The following PVR variants were observed in gnomAD, a reference collection of about 807,000 sequenced individuals.
PVR encodes poliovirus receptor.
PVR carries 39 observed loss-of-function variants against 43.3 expected under a neutral mutation model. That is an observed-to-expected ratio of 0.90 (90% CI 0.70 to 1.18). The LOEUF is 1.18. PVR is among the 50% of genes most tolerant of loss of function. The probability of loss-of-function intolerance (pLI) is 0.00; values close to 1 mark genes in which losing one functional copy is unlikely to be tolerated. For missense variants in PVR, 480 were observed against 549.7 expected (o/e 0.87, Z 1.27); for synonymous variants, 224 against 233.2 (o/e 0.96, Z 0.36).
intron 1 of PVR, among the ~76,000 whole-genome samples, chr19:44,646,770 C>CA (rs1042533568): frequency 3.3e-3 from 477 of 142,756 alleles, no homozygotes; most frequent in African/African-American, 7.1e-3. Context: ...GACTCCGTCT[C>CA]AAAAAAAAAA....
At position 44,661,986 on chromosome 19, in the gene PVR, CCTT is replaced by C; in HGVS notation, c.*176_*178del. 1 of 604,238 alleles carries C rather than the reference CCTT, an allele frequency of 1.7e-6. No homozygotes were observed. Among genetic ancestry groups the C allele is most frequent in the Non-Finnish European group, 2.9e-6 (1 of 340,188 alleles). 37.4% of individuals were successfully genotyped at this position (604,238 alleles called of 1,614,324 possible). A position where few individuals can be genotyped will look rare whatever the true frequency, so the allele number is the denominator to read the frequency against. On this transcript the variant is annotated 3_prime_UTR_variant, in exon 8 of 8. Transcript: ENST00000425690. ...GTTCATAGGTCTCCAAGACCACCCT[CCTT>C]TCATTTGCTAGAAGGACTCACTAGA...
At chr19:44,645,415 G>GTATATATATATACATA (rs1555762226) in intron 1 of PVR, among the ~76,000 whole-genome samples, 2 of 83,822 alleles carry the variant, frequency 2.4e-5, no homozygotes, top group African/African-American at 1.1e-4. Context: ...TATGTTTTGT[G>GTATATATATATACATA]TATATATATA....
In PVR at chr19:44,647,281, G is replaced by T. The variant is rs768270129; in HGVS notation, c.138G>T (p.Thr46=). ...QVPGFLGDSV[T]LPCYLQVPNM... ...CCGGCTTCTTGGGCGACTCCGTGACGCTGCCCTGCTACCTACAGGTGCCCA... is the reference window on the plus strand; with the variant it reads ...CCGGCTTCTTGGGCGACTCCGTGACTCTGCCCTGCTACCTACAGGTGCCCA... The change falls in exon 2 of 8, where the codon ACG becomes ACT. Residue 46 remains threonine (T), a synonymous_variant. Coordinates refer to ENST00000425690, the MANE Select transcript of PVR (RefSeq NM_006505.5). 2 of 1,574,764 alleles carry T rather than the reference G, an allele frequency of 1.3e-6. No homozygotes were observed.
chr19:44,660,930 G>A (rs1973575187), intron 6 of PVR, among the ~76,000 whole-genome samples: 1 of 152,174 alleles, frequency 6.6e-6, no homozygotes, highest in Non-Finnish European at 1.5e-5. Flanking sequence ...ACTACTATTT[G>A]CTAAATAAAC....
At chr19:44,658,601 G>T in intron 5 of PVR, 141 bp from the exon 6 acceptor site, 1 of 706,228 alleles carries the variant, frequency 1.4e-6, no homozygotes. Context: ...GGCACCAGAG[G>T]GTGGGATCCA....
chr19:44,650,073 C>G lies in PVR; in HGVS notation c.692C>G (p.Pro231Arg), dbSNP rs1205714055. 1 of 1,545,440 alleles carries G rather than the reference C, an allele frequency of 6.5e-7. No homozygotes were observed. Among genetic ancestry groups the G allele is most frequent in the East Asian group, 2.3e-5 (1 of 44,246 alleles). ...GTGGAGCACGAGAGCTTTGAGAAGC[C>G]TCAGCTGCTGACTGTGAACCTCACC... ...CKVEHESFEK[P>R]QLLTVNLTVY... The change falls in exon 3 of 8, where the codon CCT becomes CGT. Residue 231 changes from proline (P) to arginine (R), a missense_variant. By Grantham distance (103) the Pro-to-Arg change is moderately radical. Transcript: ENST00000425690.
chr19:44,652,744 G>T (rs1973317617), intron 3 of PVR, among the ~76,000 whole-genome samples: 2 of 152,024 alleles, frequency 1.3e-5, no homozygotes, highest in South Asian at 4.1e-4. Context: ...CAAACTCCTG[G>T]GCTCAAGTGA....
intron 2 of PVR, 152 bp downstream of exon 2, chr19:44,647,722 G>T (rs1195151503): frequency 3.9e-6 from 2 of 508,488 alleles, no homozygotes; most frequent in African/African-American, 4.1e-5. Context: ...GCGCAATGAT[G>T]TGGGGTGGGG....
rs751303567 is a variant in PVR at position 44,665,847 on chromosome 19, G to A, written c.*4036G>A. The A allele has an allele frequency of 3.3e-5, 5 of 152,214 alleles. No individual in the cohort carries two copies. Among genetic ancestry groups the A allele is most frequent in the African/African-American group, 4.8e-5 (2 of 41,408 alleles). 9.4% of individuals were successfully genotyped at this position (152,214 alleles called of 1,614,324 possible). ...TCCCTACCTGGGTGAGCCTTTGTAGGAACGAGAAACCGCATCCAGCAGCAG... is the reference window on the plus strand; with the variant it reads ...TCCCTACCTGGGTGAGCCTTTGTAGAAACGAGAAACCGCATCCAGCAGCAG... On this transcript the variant is annotated 3_prime_UTR_variant, in exon 8 of 8. Coordinates refer to ENST00000425690, the MANE Select transcript of PVR (RefSeq NM_006505.5).
rs1973687857 is a variant in PVR, at chr19:44,665,402, T to TGCAGGG, written c.*3591_*3592insGCAGGG. ...TGGCTCACGCCTGTAATCCCAGCAC[T>TGCAGGG]TTGGGAGGCTGCAGCGGGTGGATCA... is the stretch of plus-strand genomic sequence containing the variant. On this transcript the variant is annotated 3_prime_UTR_variant, in exon 8 of 8. Coordinates refer to ENST00000425690, the MANE Select transcript of PVR (RefSeq NM_006505.5). 1 of 151,992 alleles carries TGCAGGG rather than the reference T, an allele frequency of 6.6e-6. No individual in the cohort carries two copies. Among genetic ancestry groups the TGCAGGG allele is most frequent in the Non-Finnish European group, 1.5e-5 (1 of 68,026 alleles). The allele number at this position is 151,992 out of a possible 1,614,324, so 9.4% of individuals were successfully genotyped here.
rs546802578 is a variant in PVR at position 44,664,377 on chromosome 19, T to C, written c.*2566T>C. 1 of 152,122 alleles carries C rather than the reference T, an allele frequency of 6.6e-6. No homozygotes were observed. The highest frequency in any genetic ancestry group is 2.1e-4 in the South Asian group (1 of 4,810). 9.4% of individuals were successfully genotyped at this position (152,122 alleles called of 1,614,324 possible). On this transcript the variant is annotated 3_prime_UTR_variant, in exon 8 of 8. Transcript: ENST00000425690. ...GTGGGCGCCACCCCACCTGGCTAAATCTCTTTTTAACTTTTGTAGAGATAG... is the reference window on the plus strand; with the variant it reads ...GTGGGCGCCACCCCACCTGGCTAAACCTCTTTTTAACTTTTGTAGAGATAG...
Position 44,647,637 on chromosome 19 carries a change from G to A in PVR, c.427+67G>A, listed in dbSNP as rs1973166367. 28 of 1,342,138 alleles carry A rather than the reference G, an allele frequency of 2.1e-5. 1 individual carries two copies. In the South Asian group the frequency reaches 3.6e-4, roughly 17 times the overall value. The allele number at this position is 1,342,138 out of a possible 1,614,324, so 83.1% of individuals were successfully genotyped here. A position where few individuals can be genotyped will look rare whatever the true frequency, so the allele number is the denominator to read the frequency against. Reference sequence around the variant, plus strand: ...CTTGGTGGGAGGATCAGGGAAGTTGGCAAAGAGCGGGGAGGCCTGGGAGGG... The same window carrying A: ...CTTGGTGGGAGGATCAGGGAAGTTGACAAAGAGCGGGGAGGCCTGGGAGGG... On this transcript the variant is annotated intron_variant, in intron 2 of 7. Coordinates refer to ENST00000425690, the MANE Select transcript of PVR (RefSeq NM_006505.5).
rs1296689647 is a variant in PVR, at chr19:44,647,386, G to A, written c.243G>A (p.Thr81=). 5.0e-6 allele frequency: 8 copies of A among 1,613,798 alleles called. No individual in the cohort carries two copies. The highest frequency in any genetic ancestry group is 2.2e-5 in the South Asian group (2 of 91,050). Residue 81 remains threonine, a synonymous_variant, in exon 2 of 8, where the codon ACG becomes ACA. Coordinates refer to ENST00000425690, the MANE Select transcript of PVR (RefSeq NM_006505.5). ...ESGSMAVFHQ[T]QGPSYSESKR... Reference sequence around the variant, plus strand: ...GCAGCATGGCCGTCTTCCACCAAACGCAGGGCCCCAGCTATTCGGAGTCCA... The same window carrying A: ...GCAGCATGGCCGTCTTCCACCAAACACAGGGCCCCAGCTATTCGGAGTCCA...
At chr19:44,657,353 C>A (rs928829009) in intron 4 of PVR, among the ~76,000 whole-genome samples, 1 of 152,124 alleles carries the variant, frequency 6.6e-6, no homozygotes, top group Non-Finnish European at 1.5e-5. Flanking sequence ...TAACTCTGAG[C>A]CAGGCTAGGC....
At chr19:44,647,082 CT>C in intron 1 of PVR, 140 bp from the exon 2 acceptor site, 42 of 387,308 alleles carry the variant, frequency 1.1e-4, no homozygotes, top group South Asian at 4.6e-4. Context: ...CCAGTTCCCC[CT>C]CCCCCCACAC....
At position 44,665,324 on chromosome 19, in the gene PVR, T is replaced by C. The variant is rs1268578625; in HGVS notation, c.*3513T>C. ...GGTTGCAGATTGCTTGGGGTGAAAATGTCTGTGCTACTGAAATCTAACTTT... is the reference window on the plus strand; with the variant it reads ...GGTTGCAGATTGCTTGGGGTGAAAACGTCTGTGCTACTGAAATCTAACTTT... On this transcript the variant is annotated 3_prime_UTR_variant, in exon 8 of 8. Coordinates refer to ENST00000425690, the MANE Select transcript of PVR (RefSeq NM_006505.5). The C allele has an allele frequency of 6.6e-6, 1 of 151,988 alleles. No homozygotes were observed. Among genetic ancestry groups the C allele is most frequent in the Non-Finnish European group, 1.5e-5 (1 of 68,012 alleles). 9.4% of individuals were successfully genotyped at this position (151,988 alleles called of 1,614,324 possible). A position where few individuals can be genotyped will look rare whatever the true frequency, so the allele number is the denominator to read the frequency against.
intron 1 of PVR, 138 bp from the exon 2 acceptor site, chr19:44,647,085 C>A: frequency 7.6e-6 from 3 of 395,086 alleles, no homozygotes; most frequent in Non-Finnish European, 8.8e-6. Flanking sequence ...GTTCCCCCTC[C>A]CCCCACACCC....
At chr19:44,653,621 T>G (rs990798669) in intron 3 of PVR, 1 of 351,040 alleles carries the variant, frequency 2.8e-6, no homozygotes, top group African/African-American at 2.0e-5. Flanking sequence ...GGAGGCATTT[T>G]CCTGCAGGAC....
Position 44,647,237 on chromosome 19 carries a change from C to T in PVR, c.94C>T (p.Gln32Ter), listed in dbSNP as rs1457409764. 10 of 1,544,648 alleles carry T rather than the reference C, an allele frequency of 6.5e-6. No individual in the cohort carries two copies. The Admixed American group carries it at 1.4e-4, about 21-fold the overall frequency. ...GTTCTCCGCAGGGGACGTCGTCGTG[C>T]AGGCGCCCACCCAGGTGCCCGGCTT... ...PPPGTGDVVVQAPTQVPGFLG... is the reference protein window; with the variant it reads ...PPPGTGDVVV The change falls in exon 2 of 8, where the codon CAG (glutamine) becomes TAG (stop). Residue 32 changes from glutamine to a stop codon, truncating the protein, a stop_gained. Coordinates refer to ENST00000425690, the MANE Select transcript of PVR (RefSeq NM_006505.5). LOFTEE classifies it high-confidence loss of function.
Sources: gnomAD v4.1 joint callset for allele counts (sites outside exome capture counted in the v4.1 genomes callset) on GRCh38, gnomAD v4.1.1 for gene constraint, MANE v1.5 for transcripts, NCBI Gene and HGNC (gene_info 2026-07-23, HGNC 2026-07-21) for gene names.